Variants in SATB2 observed in about 807,000 individuals in gnomAD.
SATB2 encodes the protein DNA-binding protein SATB2.
A neutral mutation model predicts 73.4 loss-of-function variants in SATB2; 1 was observed. The observed-to-expected ratio is 0.01, with a 90% CI of 0.00 to 0.06. SATB2 has a LOEUF of 0.06. Among genes scored for constraint, SATB2 ranks in the 10% least tolerant of loss-of-function variants. The pLI, the probability that SATB2 is intolerant of heterozygous loss-of-function variation, is 1.00. For missense variants in SATB2, 459 were observed against 945.8 expected (o/e 0.49, Z 6.75); for synonymous variants, 397 against 367.0 (o/e 1.08, Z -0.93).
At chr2:199,452,172 C>T (rs1195812770) in intron 2 of SATB2, among the ~76,000 whole-genome samples, 1 of 152,024 alleles carries the variant, frequency 6.6e-6, no homozygotes, top group South Asian at 2.1e-4. Flanking sequence ...TGTTTAATGT[C>T]TCCTATCAGC....
At chr2:199,319,846 T>C (rs755639476) in intron 9 of SATB2, among the ~76,000 whole-genome samples, 2 of 151,470 alleles carry the variant, frequency 1.3e-5, no homozygotes, top group Non-Finnish European at 1.5e-5. Flanking sequence ...GATAGCAGGA[T>C]ATGAGAAGAA....
At chr2:199,431,396 ATT>A (rs576100198) in intron 3 of SATB2, among the ~76,000 whole-genome samples, 499 of 152,224 alleles carry the variant, frequency 3.3e-3, no homozygotes, top group Non-Finnish European at 5.4e-3. Flanking sequence ...AAACAAACTG[ATT>A]TTTTTCTTTG....
chr2:199,354,125 AG>A (rs1298434078), intron 6 of SATB2, among the ~76,000 whole-genome samples: 2 of 152,218 alleles, frequency 1.3e-5, no homozygotes, highest in African/African-American at 4.8e-5. Context: ...TGGAAGGCCA[AG>A]GAGGGCGGAT....
chr2:199,360,774 T>C (rs1689114376), intron 6 of SATB2, among the ~76,000 whole-genome samples: 1 of 152,078 alleles, frequency 6.6e-6, no homozygotes, highest in African/African-American at 2.4e-5. Flanking sequence ...GACTCTTTCC[T>C]CTCATGTCCT....
intron 5 of SATB2, among the ~76,000 whole-genome samples, chr2:199,380,122 A>G (rs933490198): frequency 6.6e-6 from 1 of 152,090 alleles, no homozygotes; most frequent in Non-Finnish European, 1.5e-5. Context: ...GAGCTCAAGC[A>G]ATCAGCCTGC....
chr2:199,458,754 A>AC, upstream of SATB2: 1 of 312,568 alleles, frequency 3.2e-6, no homozygotes, highest in South Asian at 2.0e-5. Flanking sequence ...CGCCTCCCCC[A>AC]CCCACCGCCT....
intron 2 of SATB2, among the ~76,000 whole-genome samples, chr2:199,438,083 A>G (rs970189563): frequency 9.2e-5 from 14 of 152,194 alleles, no homozygotes; most frequent in Admixed American, 9.2e-4. Context: ...TACATACTAG[A>G]TTTTAATGAC....
At chr2:199,395,120 C>T (rs1033926129) in intron 3 of SATB2, among the ~76,000 whole-genome samples, 4 of 151,394 alleles carry the variant, frequency 2.6e-5, no homozygotes, top group Middle Eastern at 3.2e-3. Context: ...CTCACTCTGT[C>T]GCCATGTCTA....
Position 199,355,348 on chromosome 2 carries a change from C to CTATATATATATATA in SATB2, c.701-6189_701-6176dup, listed in dbSNP as rs72202602. On this transcript the variant is annotated intron_variant, in intron 6 of 10. Coordinates refer to ENST00000417098, the MANE Select transcript of SATB2 (RefSeq NM_001172509.2). The stretch of plus-strand genomic sequence containing the variant: ...TATGTGTGTGTGTGTGTGTGTGTAT[C>CTATATATATATATA]TATATATATATATATATATATATAT... Among the ~76,000 whole-genome samples, 815 of 134,122 alleles carry CTATATATATATATA rather than the reference C, an allele frequency of 6.1e-3. 45 individuals are homozygous for CTATATATATATATA. Among genetic ancestry groups the CTATATATATATATA allele is most frequent in the East Asian group, 0.013 (53 of 4,046 alleles). The allele number at this position is 134,122 out of a possible 152,430, so 88.0% of individuals were successfully genotyped here.
At chr2:199,387,512 C>G (rs1240522784) in intron 3 of SATB2, among the ~76,000 whole-genome samples, 1 of 152,138 alleles carries the variant, frequency 6.6e-6, no homozygotes, top group Non-Finnish European at 1.5e-5. Context: ...CATTGTTTTC[C>G]AATCATCTTT....
chr2:199,404,368 T>C (rs1279582372), intron 3 of SATB2, among the ~76,000 whole-genome samples: 1 of 152,212 alleles, frequency 6.6e-6, no homozygotes, highest in South Asian at 2.1e-4. Flanking sequence ...GCACCTCTAA[T>C]TGATATAACC....
At chr2:199,329,668 C>T (rs1688133285) in intron 7 of SATB2, among the ~76,000 whole-genome samples, 1 of 151,952 alleles carries the variant, frequency 6.6e-6, no homozygotes, top group East Asian at 1.9e-4. Flanking sequence ...CATGATAGGC[C>T]CAGATACTTT....
intron 8 of SATB2, among the ~76,000 whole-genome samples, chr2:199,324,394 C>T (rs1050570512): frequency 2.6e-5 from 4 of 152,080 alleles, no homozygotes; most frequent in African/African-American, 7.2e-5. Flanking sequence ...ATTTAATGCA[C>T]TCCCAAGTCT....
chr2:199,331,713 T>A (rs1198068860), intron 7 of SATB2, among the ~76,000 whole-genome samples: 1 of 152,172 alleles, frequency 6.6e-6, no homozygotes, highest in East Asian at 1.9e-4. Flanking sequence ...AAATTCTGCA[T>A]GCTTATAAAT....
chr2:199,433,738 G>A (rs979405188), intron 2 of SATB2, among the ~76,000 whole-genome samples: 23 of 152,014 alleles, frequency 1.5e-4, no homozygotes, highest in South Asian at 6.3e-4. Context: ...TTAGATTCCC[G>A]TCATTTTCAC....
chr2:199,306,044 A>C (rs1432574125), intron 10 of SATB2, among the ~76,000 whole-genome samples: 3 of 152,186 alleles, frequency 2.0e-5, no homozygotes, highest in Non-Finnish European at 2.9e-5. Flanking sequence ...TAAGATTTCT[A>C]AAACAGGTAA....
At chr2:199,385,763 G>A (rs189362599) in intron 3 of SATB2, among the ~76,000 whole-genome samples, 213 of 152,280 alleles carry the variant, frequency 1.4e-3, no homozygotes, top group Non-Finnish European at 2.0e-3. Context: ...TTGGGAGGCC[G>A]TGAATGCCTG....
chr2:199,293,783 G>T (rs1207681075), intron 10 of SATB2, among the ~76,000 whole-genome samples: 1 of 152,014 alleles, frequency 6.6e-6, no homozygotes, highest in Non-Finnish European at 1.5e-5. Flanking sequence ...CCACTGCCAT[G>T]ATTTACCACA....
rs1156349759 is a variant in SATB2 at position 199,321,076 on chromosome 2, A to G, written c.1542+2727T>C. Among the ~76,000 whole-genome samples the G allele has an allele frequency of 5.3e-4, 8 of 15,126 alleles. No homozygotes were observed. The Non-Finnish European group carries it at 0.024, about 46-fold the overall frequency. 9.9% of individuals were successfully genotyped at this position (15,126 alleles called of 152,430 possible). ...CAAGAACTTAAGATCCCTCCAAAGA[A>G]AAATAAAAGGAGGGAAGAAAATGCA... On this transcript the variant is annotated intron_variant, in intron 9 of 10. Transcript: ENST00000417098.
Sources: gnomAD v4.1 joint callset for allele counts (sites outside exome capture counted in the v4.1 genomes callset) on GRCh38, gnomAD v4.1.1 for gene constraint, MANE v1.5 for transcripts, NCBI Gene and HGNC (gene_info 2026-07-23, HGNC 2026-07-21) for gene names.